Variants in TF observed in about 807,000 individuals in gnomAD.
TF encodes the protein serotransferrin.
In TF, 55 loss-of-function variants were observed where a neutral mutation model predicts 82.4. The observed-to-expected ratio is 0.67, with a 90% CI of 0.54 to 0.84. TF has a LOEUF of 0.84. Ranked by LOEUF, TF falls within the 40% of genes least tolerant of loss-of-function variation. The pLI is 0.00. For missense variants in TF, 737 were observed against 868.4 expected, an observed-to-expected ratio of 0.85 and a Z score of 1.90; for synonymous variants, 332 against 332.6, an observed-to-expected ratio of 1.00 and a Z score of 0.02.
Position 133,783,152 on chromosome 3 carries a change from T to A in TF, c.*4532T>A, listed in dbSNP as rs1230188855. The A allele has an allele frequency of 6.6e-6, 1 of 152,266 alleles. No individual in the cohort carries two copies. The highest frequency in any genetic ancestry group is 1.9e-4 in the East Asian group (1 of 5,208). 9.4% of individuals were successfully genotyped at this position (152,266 alleles called of 1,614,324 possible). ...CTCCTTCACTGTAGTAATCTTTTTT[T>A]AACTATGTATGTATCTCATAACATG... On this transcript the variant is annotated 3_prime_UTR_variant, in exon 17 of 17. Coordinates refer to ENST00000402696, the MANE Select transcript of TF (RefSeq NM_001063.4).
In TF at chr3:133,779,122, G is replaced by A. The variant is rs1934464455; in HGVS notation, c.*502G>A. The A allele has an allele frequency of 6.3e-6, 1 of 157,700 alleles. No homozygotes were observed. The allele number at this position is 157,700 out of a possible 1,614,324, so 9.8% of individuals were successfully genotyped here. On this transcript the variant is annotated 3_prime_UTR_variant, in exon 17 of 17. Coordinates refer to ENST00000402696, the MANE Select transcript of TF (RefSeq NM_001063.4). ...CTCAAGTGAGTACAGAAAGACTACA[G>A]AAGACTTACCTTTATTTGGTATTTT...
chr3:133,764,227 A>C lies in TF; in HGVS notation c.1249A>C (p.Ile417Leu). The C allele has an allele frequency of 6.2e-7, 1 of 1,614,030 alleles. No homozygotes were observed. The highest frequency in any genetic ancestry group is 8.5e-7 in the Non-Finnish European group (1 of 1,179,880). The change falls in exon 10 of 17, where the codon ATA (isoleucine) becomes CTA (leucine). Residue 417 changes from isoleucine (I) to leucine (L), a missense_variant. Ile to Leu is a conservative substitution (Grantham distance 5). Coordinates refer to ENST00000402696, the MANE Select transcript of TF (RefSeq NM_001063.4). The stretch of plus-strand genomic sequence containing the variant: ...GAGCTTGGATGGAGGGTTTGTCTAC[A>C]TAGCGGGCAAGTGTGGTCTGGTGCC... ...AMSLDGGFVY[I>L]AGKCGLVPVL...
the TF span, among the ~76,000 whole-genome samples, chr3:133,684,990 A>G: frequency 6.6e-6 from 1 of 152,236 alleles, no homozygotes; most frequent in Non-Finnish European, 1.5e-5. Flanking sequence ...GCAGCACATC[A>G]AAAAGCTTAT....
chr3:133,729,108 AGAG>A, the TF span, among the ~76,000 whole-genome samples: 2 of 152,200 alleles, frequency 1.3e-5, no homozygotes, highest in African/African-American at 2.4e-5. Context: ...GTCAGGGGTC[AGAG>A]GGGTCACTTG....
chr3:133,714,838 A>T, the TF span, among the ~76,000 whole-genome samples: 2 of 151,982 alleles, frequency 1.3e-5, no homozygotes, highest in Admixed American at 6.6e-5. Context: ...GCCCACCACC[A>T]CACCCAGCTA....
In TF at chr3:133,777,061, AG is replaced by A. The variant is rs747489819; in HGVS notation, c.1886del (p.Ser629ThrfsTer3). ...GTTCACTTGACAGCACCTATTTGGA[AG>A]CAACGTAACTGACTGCTCGGGCAAC... is the stretch of plus-strand genomic sequence containing the variant. ...ILRQQQHLFG[S>X]NVTDCSGNFC... On this transcript the variant is annotated frameshift_variant, in exon 16 of 17. Transcript: ENST00000402696. LOFTEE classifies it high-confidence loss of function. 1 of 1,614,180 alleles carries A rather than the reference AG, an allele frequency of 6.2e-7. No homozygotes were observed. Among genetic ancestry groups the A allele is most frequent in the Non-Finnish European group, 8.5e-7 (1 of 1,180,022 alleles).
chr3:133,751,208 G>A (rs1425732642), intron 2 of TF, among the ~76,000 whole-genome samples: 1 of 150,582 alleles, frequency 6.6e-6, no homozygotes, highest in African/African-American at 2.4e-5. Context: ...GATACAAAAG[G>A]ACAAATATTG....
Position 133,777,177 on chromosome 3 carries a change from A to C in TF, c.2001A>C (p.Glu667Asp). The change falls in exon 16 of 17, where the codon GAA (glutamate) becomes GAC (aspartate). Residue 667 changes from glutamate to aspartate, a missense_variant. Coordinates refer to ENST00000402696, the MANE Select transcript of TF (RefSeq NM_001063.4). ...LAKLHDRNTY[E>D]KYLGEEYVKA... ...AACTTCATGACAGAAACACATATGA[A>C]AAATACTTAGGAGAAGAATATGTCA... The C allele has an allele frequency of 6.2e-7, 1 of 1,614,134 alleles. No individual in the cohort carries two copies. Among genetic ancestry groups the C allele is most frequent in the Non-Finnish European group, 8.5e-7 (1 of 1,180,040 alleles).
the TF span, among the ~76,000 whole-genome samples, chr3:133,713,497 G>C: frequency 6.6e-6 from 1 of 152,202 alleles, no homozygotes; most frequent in Non-Finnish European, 1.5e-5. Flanking sequence ...GTGATGTCTA[G>C]GAATGTAGAG....
chr3:133,727,106 TGGTGCTGAAA>T, the TF span, among the ~76,000 whole-genome samples: 1 of 152,212 alleles, frequency 6.6e-6, no homozygotes, highest in Non-Finnish European at 1.5e-5. Context: ...AGGTGTGGTG[TGGTGCTGAAA>T]AAAATGTATA....
At chr3:133,699,526 A>G in the TF span, 2 of 1,018,458 alleles carry the variant, frequency 2.0e-6, no homozygotes, top group Non-Finnish European at 2.8e-6. Flanking sequence ...GTTGGATACA[A>G]GGACTGCCAT....
the TF span, among the ~76,000 whole-genome samples, chr3:133,670,395 T>C: frequency 8.3e-4 from 127 of 152,240 alleles, no homozygotes; most frequent in Non-Finnish European, 1.6e-3. Context: ...TCTAACCTTC[T>C]GCTTTGCTAT....
chr3:133,766,495 A>T, intron 12 of TF, 62 bp downstream of exon 12: 1 of 1,607,884 alleles, frequency 6.2e-7, no homozygotes, highest in East Asian at 2.2e-5. Context: ...GTCCTGCCTT[A>T]GGGAAGAGGA....
At chr3:133,668,347 C>A in the TF span, among the ~76,000 whole-genome samples, 1 of 152,132 alleles carries the variant, frequency 6.6e-6, no homozygotes, top group Non-Finnish European at 1.5e-5. Flanking sequence ...AAATGAAGAT[C>A]CTCCCAGAAG....
the TF span, among the ~76,000 whole-genome samples, chr3:133,688,666 A>G: frequency 0.032 from 4,950 of 152,326 alleles, 221 homozygotes; most frequent in Admixed American, 0.11. Flanking sequence ...AAGAGAATCT[A>G]TAAAGACTCA....
the TF span, chr3:133,662,332 G>C: frequency 2.6e-5 from 4 of 152,272 alleles, no homozygotes; most frequent in Admixed American, 2.6e-4. Context: ...ATGTAAAAAC[G>C]GAGGAAGTTA....
intron 5 of TF, 111 bp from the exon 6 acceptor site, chr3:133,756,171 C>A: frequency 1.9e-6 from 2 of 1,032,592 alleles, no homozygotes; most frequent in African/African-American, 1.6e-5. Context: ...AGCTACGGGG[C>A]TGCACCAGGC....
chr3:133,714,769 G>A, the TF span, among the ~76,000 whole-genome samples: 3 of 151,790 alleles, frequency 2.0e-5, no homozygotes, highest in East Asian at 1.9e-4. Context: ...TGAAACCTCC[G>A]CCTCCTGGGT....
At chr3:133,767,430 T>C (rs971199043) in intron 12 of TF, among the ~76,000 whole-genome samples, 1 of 152,200 alleles carries the variant, frequency 6.6e-6, no homozygotes, top group Non-Finnish European at 1.5e-5. Flanking sequence ...GAAGTGGTGA[T>C]GAGAGTATGC....
Sources: gnomAD v4.1 joint callset for allele counts (sites outside exome capture counted in the v4.1 genomes callset) on GRCh38, gnomAD v4.1.1 for gene constraint, MANE v1.5 for transcripts, NCBI Gene and HGNC (gene_info 2026-07-23, HGNC 2026-07-21) for gene names.